LRRC9: variants seen among roughly 807,000 people sequenced by gnomAD.
The protein encoded by LRRC9 is leucine-rich repeat-containing protein 9.
A neutral mutation model predicts 63.2 loss-of-function variants in LRRC9; 122 were observed. That is an observed-to-expected ratio of 1.93 (90% CI 1.67 to 2.24). LRRC9 has a LOEUF of 2.24. Ranked by LOEUF, LRRC9 falls within the 30% of genes most tolerant of loss-of-function variation. LRRC9 has a pLI of 0.00. For synonymous variants in LRRC9, 366 were observed against 213.1 expected (o/e 1.72, Z -6.25); for missense variants, 1,071 against 627.7 (o/e 1.71, Z -7.55).
chr14:59,927,497 C>T lies in LRRC9; in HGVS notation c.-33-414C>T, dbSNP rs534769876. Among the ~76,000 whole-genome samples, 7 of 152,058 alleles carry T rather than the reference C, an allele frequency of 4.6e-5. No homozygotes were observed. Among genetic ancestry groups the T allele is most frequent in the Non-Finnish European group, 7.4e-5 (5 of 67,878 alleles). ...AGGTATACTTAGAGAACTGTGTTCA[C>T]GTTTAGACACCGCAGTGTAATACAA... On this transcript the variant is annotated intron_variant, in intron 1 of 31. Coordinates refer to ENST00000445360, the Ensembl canonical transcript of LRRC9. The surrounding 1 kb of genome is among the most constrained non-coding windows in gnomAD (Gnocchi z 4.4).
At chr14:60,041,391 T>C (rs529195699) in intron 29 of LRRC9, among the ~76,000 whole-genome samples, 1 of 152,330 alleles carries the variant, frequency 6.6e-6, no homozygotes, top group African/African-American at 2.4e-5. Context: ...CACTTTCAGG[T>C]ACACCAATCA....
chr14:59,938,456 A>G lies in LRRC9; in HGVS notation c.610A>G (p.Thr204Ala), dbSNP rs1193066426. The change falls in exon 7 of 32, where the codon ACC becomes GCC. Residue 204 changes from threonine to alanine, a missense_variant. Transcript: ENST00000445360. This position sits in a 1 kb window ranked among gnomAD's most constrained non-coding sequence, Gnocchi z 4.2. ...ATGTCTGAATGACCCTCAATATACA[A>G]CCAATCCAGTTTGTCTTCTGTGTAA... The G allele has an allele frequency of 1.4e-6, 1 of 698,270 alleles. No individual in the cohort carries two copies. The highest frequency in any genetic ancestry group is 1.5e-5 in the South Asian group (1 of 67,124). The allele number at this position is 698,270 out of a possible 1,614,324, so 43.3% of individuals were successfully genotyped here.
intron 26 of LRRC9, among the ~76,000 whole-genome samples, chr14:60,021,618 T>C (rs186594007): frequency 6.6e-6 from 1 of 152,084 alleles, no homozygotes; most frequent in African/African-American, 2.4e-5. Context: ...GTTTTCACTC[T>C]TACATCGAGT....
intron 23 of LRRC9, among the ~76,000 whole-genome samples, chr14:60,012,756 A>G (rs1332613671): frequency 6.6e-6 from 1 of 152,176 alleles, no homozygotes; most frequent in Non-Finnish European, 1.5e-5. Context: ...CAGAGAAGCT[A>G]TTGTTCCCAA....
intron 29 of LRRC9, among the ~76,000 whole-genome samples, chr14:60,039,615 T>G (rs532026196): frequency 6.6e-6 from 1 of 152,160 alleles, no homozygotes; most frequent in Non-Finnish European, 1.5e-5. Flanking sequence ...TGATATCCTG[T>G]TTATCATTTT....
chr14:60,001,383 T>C (rs1334248491), intron 19 of LRRC9, among the ~76,000 whole-genome samples: 6 of 152,116 alleles, frequency 3.9e-5, no homozygotes, highest in African/African-American at 1.2e-4. Flanking sequence ...GGGAATACTA[T>C]ACATAGGACA....
intron 31 of LRRC9, chr14:60,062,011 A>G (rs1894685771): frequency 5.0e-6 from 2 of 398,750 alleles, no homozygotes; most frequent in Admixed American, 4.4e-5. Context: ...CTAATTTCAG[A>G]CAAAAAAAAC....
chr14:59,920,521 G>C (rs992499224), intron 1 of LRRC9, among the ~76,000 whole-genome samples: 3 of 152,204 alleles, frequency 2.0e-5, no homozygotes, highest in Admixed American at 1.3e-4. Context: ...CAACTATGCA[G>C]ATTTTACTGC....
chr14:59,928,574 G>A (rs1291657236), intron 3 of LRRC9, 88 bp downstream of exon 3: 1 of 520,744 alleles, frequency 1.9e-6, no homozygotes, highest in Non-Finnish European at 3.3e-6. Context: ...ATATGCATAA[G>A]GCATGGGTTA....
At chr14:59,931,639 T>C in exon 5 of LRRC9, 1 of 699,220 alleles carries the variant, frequency 1.4e-6, no homozygotes, top group East Asian at 2.7e-5. Flanking sequence ...CTTTGAAGAA[T>C]TTAAAAGATC....
intron 17 of LRRC9, among the ~76,000 whole-genome samples, chr14:59,989,551 ATTG>A (rs1198550379): frequency 2.0e-5 from 3 of 152,056 alleles, no homozygotes; most frequent in Admixed American, 2.0e-4. Flanking sequence ...TCAGATTTAT[ATTG>A]TTATTTTATG....
At chr14:60,043,491 T>G (rs2140389198) in intron 29 of LRRC9, among the ~76,000 whole-genome samples, 1 of 152,296 alleles carries the variant, frequency 6.6e-6, no homozygotes, top group African/African-American at 2.4e-5. Flanking sequence ...TTTGATGAGT[T>G]TTCATTAAGG....
At chr14:60,021,214 T>C (rs1425088299) in intron 26 of LRRC9, among the ~76,000 whole-genome samples, 3 of 151,932 alleles carry the variant, frequency 2.0e-5, no homozygotes, top group Non-Finnish European at 2.9e-5. Context: ...TATCTCATTG[T>C]GGTTTTAATT....
chr14:59,939,484 A>G (rs983256935), intron 7 of LRRC9, among the ~76,000 whole-genome samples: 1 of 151,962 alleles, frequency 6.6e-6, no homozygotes, highest in Non-Finnish European at 1.5e-5. Context: ...AAGAATAGAG[A>G]GTTAGAGGGG....
intron 29 of LRRC9, among the ~76,000 whole-genome samples, chr14:60,046,577 G>T (rs1893440760): frequency 1.3e-5 from 2 of 152,082 alleles, no homozygotes; most frequent in African/African-American, 4.8e-5. Context: ...AAGATCAGAT[G>T]GTTGTAGGTG....
At chr14:60,043,854 A>AT (rs765146726) in intron 29 of LRRC9, among the ~76,000 whole-genome samples, 1 of 146,900 alleles carries the variant, frequency 6.8e-6, no homozygotes, top group Non-Finnish European at 1.5e-5. Flanking sequence ...TTCCTCTTCA[A>AT]TTTTTTTAAA....
intron 10 of LRRC9, among the ~76,000 whole-genome samples, 160 bp downstream of exon 10, chr14:59,961,205 C>G (rs1315736943): frequency 1.3e-5 from 2 of 152,144 alleles, no homozygotes; most frequent in Non-Finnish European, 2.9e-5. Flanking sequence ...CTATTGAAAA[C>G]TGAAAATTAC....
At position 59,994,362 on chromosome 14, in the gene LRRC9, C is replaced by T. The variant is rs1296991611; in HGVS notation, c.2212-3294C>T. 1.3e-5 allele frequency among the ~76,000 whole-genome samples: 2 copies of T among 152,138 alleles called. 1 individual carries two copies. On this transcript the variant is annotated intron_variant, in intron 17 of 31. Transcript: ENST00000445360. ...CGATCATTAAAAAGTCAGGAAACAA[C>T]AGGTGCTGGAGAGGATATGGAGAAA... is the stretch of plus-strand genomic sequence containing the variant.
At position 60,041,702 on chromosome 14, in the gene LRRC9, C is replaced by T. The variant is rs529133850; in HGVS notation, c.3990+9639C>T. On this transcript the variant is annotated intron_variant, in intron 29 of 31. Transcript: ENST00000445360. ...TGTGTTCGAACACCCTCTTTTAGCT[C>T]GGATAAGTTTATTATTACTGATCAT... Among the ~76,000 whole-genome samples the T allele has an allele frequency of 3.9e-5, 6 of 152,252 alleles. No individual in the cohort carries two copies. The East Asian group carries it at 5.8e-4, about 15-fold the overall frequency.
Sources: gnomAD v4.1 joint callset for allele counts (sites outside exome capture counted in the v4.1 genomes callset) on GRCh38, gnomAD v4.1.1 for gene constraint, Gnocchi (gnomAD v3.1) non-coding constraint, MANE v1.5 for transcripts, NCBI Gene and HGNC (gene_info 2026-07-23, HGNC 2026-07-21) for gene names.